ZBTB20: variants seen among roughly 807,000 people sequenced by gnomAD.
The protein encoded by ZBTB20 is zinc finger and BTB domain containing 20, also known as zinc finger and BTB domain-containing protein 20.
ZBTB20 carries 9 observed loss-of-function variants against 56.9 expected under a neutral mutation model. The ratio of observed to expected loss-of-function variants is 0.16; its 90% CI spans 0.10 to 0.28. The LOEUF is 0.28. Ranked by LOEUF, ZBTB20 falls within the 10% of genes least tolerant of loss-of-function variation. The pLI is 1.00. For missense variants in ZBTB20, 655 were observed against 1,003.0 expected (o/e 0.65, Z 4.69); for synonymous variants, 417 against 420.7 (o/e 0.99, Z 0.11).
intron 6 of ZBTB20, among the ~76,000 whole-genome samples, chr3:114,567,613 G>C (rs2052931342): frequency 6.6e-6 from 1 of 152,080 alleles, no homozygotes; most frequent in Non-Finnish European, 1.5e-5. Context: ...TATTCTAAAA[G>C]TGAATATGCC....
At chr3:115,089,071 C>T (rs1009652322) in intron 1 of ZBTB20, among the ~76,000 whole-genome samples, 4 of 151,744 alleles carry the variant, frequency 2.6e-5, no homozygotes, top group African/African-American at 9.7e-5. Context: ...GGTTTGTTCC[C>T]TACAAAGGAA....
At chr3:114,945,570 A>G (rs1252166252) in intron 3 of ZBTB20, among the ~76,000 whole-genome samples, 1 of 145,172 alleles carries the variant, frequency 6.9e-6, no homozygotes, top group Non-Finnish European at 1.5e-5. Context: ...GCAAGTTAAA[A>G]GAGGGGCAAA....
Position 114,380,886 on chromosome 3 carries a change from T to A in ZBTB20, c.-99A>T. On this transcript the variant is annotated 5_prime_UTR_variant, in exon 9 of 12. It adds an upstream start codon to the 5' untranslated region. Coordinates refer to ENST00000675478, the MANE Select transcript of ZBTB20 (RefSeq NM_001348800.3). ...CTACCGTACTAGCTGTGCCTCTAAC[T>A]TGCTGTGTGGCCTTGGGCACCTCAC... is the stretch of plus-strand genomic sequence containing the variant. 1 of 1,141,038 alleles carries A rather than the reference T, an allele frequency of 8.8e-7. No individual in the cohort carries two copies. Among genetic ancestry groups the A allele is most frequent in the Non-Finnish European group, 1.2e-6 (1 of 858,702 alleles). The allele number at this position is 1,141,038 out of a possible 1,614,324, so 70.7% of individuals were successfully genotyped here.
chr3:115,043,704 T>C (rs914248697), intron 2 of ZBTB20, among the ~76,000 whole-genome samples: 2 of 151,934 alleles, frequency 1.3e-5, no homozygotes, highest in African/African-American at 4.8e-5. Flanking sequence ...AATTTTGAGA[T>C]ATAAAGTTTT....
intron 4 of ZBTB20, among the ~76,000 whole-genome samples, chr3:114,869,180 T>G (rs564647770): frequency 1.3e-5 from 2 of 152,140 alleles, no homozygotes; most frequent in Admixed American, 6.6e-5. Flanking sequence ...GCATTTGTTA[T>G]GTAGCATAAA....
chr3:114,407,415 A>G (rs57864250), intron 7 of ZBTB20, among the ~76,000 whole-genome samples: 31,927 of 152,142 alleles, frequency 0.21, 4,514 homozygotes, highest in African/African-American at 0.39. Flanking sequence ...TATTTTAAAC[A>G]GGGTTGTCCA....
intron 2 of ZBTB20, among the ~76,000 whole-genome samples, chr3:115,044,173 A>C (rs1473990823): frequency 1.3e-5 from 2 of 152,204 alleles, no homozygotes; most frequent in Non-Finnish European, 2.9e-5. Flanking sequence ...AACTTGCTTC[A>C]GGTATTTCTT....
At chr3:114,674,875 C>T (rs2061541658) in intron 6 of ZBTB20, among the ~76,000 whole-genome samples, 3 of 151,584 alleles carry the variant, frequency 2.0e-5, no homozygotes, top group Admixed American at 2.0e-4. Context: ...CATACACACA[C>T]AAGTCAAAAA....
At chr3:114,750,551 T>C (rs1387078968) in intron 5 of ZBTB20, among the ~76,000 whole-genome samples, 2 of 152,260 alleles carry the variant, frequency 1.3e-5, no homozygotes, top group African/African-American at 4.8e-5. Flanking sequence ...CAAATATTTA[T>C]GGGTTAAATC....
chr3:114,434,979 C>T (rs2090416574), intron 7 of ZBTB20, among the ~76,000 whole-genome samples: 1 of 152,092 alleles, frequency 6.6e-6, no homozygotes, highest in South Asian at 2.1e-4. Flanking sequence ...CATTGTCTCA[C>T]CAATGCTCAC....
chr3:114,403,000 G>A (rs2086959256), intron 7 of ZBTB20, among the ~76,000 whole-genome samples: 1 of 152,082 alleles, frequency 6.6e-6, no homozygotes, highest in Non-Finnish European at 1.5e-5. Context: ...AAATGTAAAA[G>A]TGGATGATTA....
At chr3:114,959,208 T>C (rs2077356102) in intron 3 of ZBTB20, among the ~76,000 whole-genome samples, 2 of 152,186 alleles carry the variant, frequency 1.3e-5, no homozygotes, top group South Asian at 4.1e-4. Flanking sequence ...ACACAGGTTG[T>C]ATAAGGCTTA....
intron 4 of ZBTB20, among the ~76,000 whole-genome samples, chr3:114,813,401 A>G (rs1252491004): frequency 2.0e-5 from 3 of 152,230 alleles, no homozygotes; most frequent in African/African-American, 7.2e-5. Flanking sequence ...TGCAATTTCT[A>G]TAAAAGGATA....
At chr3:114,897,899 A>T (rs2074951351) in intron 4 of ZBTB20, among the ~76,000 whole-genome samples, 2 of 152,168 alleles carry the variant, frequency 1.3e-5, no homozygotes, top group East Asian at 3.8e-4. Flanking sequence ...TGCCAATCTT[A>T]TGTGACGGGC....
intron 1 of ZBTB20, among the ~76,000 whole-genome samples, chr3:115,134,246 A>G (rs1448331952): frequency 1.5e-4 from 23 of 152,208 alleles, no homozygotes; most frequent in African/African-American, 1.4e-4. Context: ...TCTTCATCCA[A>G]AAGATATCTG....
rs536384844 is a variant in ZBTB20, at chr3:114,629,339, C to G, written c.-295+64189G>C. 4.6e-5 allele frequency among the ~76,000 whole-genome samples: 7 copies of G among 152,226 alleles called. No individual in the cohort carries two copies. The South Asian group carries it at 6.2e-4, about 14-fold the overall frequency. ...CTCAATAAATGATGGCTATCATTAT[C>G]CTAGCATTAATAATCTACAAATTCA... On this transcript the variant is annotated intron_variant, in intron 6 of 11. Coordinates refer to ENST00000675478, the MANE Select transcript of ZBTB20 (RefSeq NM_001348800.3).
intron 6 of ZBTB20, among the ~76,000 whole-genome samples, chr3:114,553,014 A>G (rs1176491346): frequency 6.6e-6 from 1 of 152,186 alleles, no homozygotes; most frequent in Non-Finnish European, 1.5e-5. Flanking sequence ...TCACAAATTT[A>G]CCCTTTTCTC....
intron 6 of ZBTB20, among the ~76,000 whole-genome samples, chr3:114,665,947 C>T (rs866657470): frequency 3.3e-5 from 5 of 151,998 alleles, no homozygotes; most frequent in South Asian, 2.1e-4. Context: ...ATTTATTGGG[C>T]GGAGTTTTAT....
intron 2 of ZBTB20, among the ~76,000 whole-genome samples, chr3:115,013,772 C>T (rs2079822587): frequency 6.6e-6 from 1 of 151,618 alleles, no homozygotes; most frequent in African/African-American, 2.4e-5. Context: ...GTAACAAATG[C>T]TGGCAAGGAC....
Sources: gnomAD v4.1 joint callset for allele counts (sites outside exome capture counted in the v4.1 genomes callset) on GRCh38, gnomAD v4.1.1 for gene constraint, MANE v1.5 for transcripts, NCBI Gene and HGNC (gene_info 2026-07-23, HGNC 2026-07-21) for gene names.